The following EYS variants were observed in gnomAD, a reference collection of about 807,000 sequenced individuals.
The protein encoded by EYS is protein eyes shut homolog.
In EYS, 250 loss-of-function variants were observed where a neutral mutation model predicts 282.1. That is an observed-to-expected ratio of 0.89 (90% CI 0.80 to 0.98). The LOEUF is 0.98. Among genes scored for constraint, EYS ranks in the 50% least tolerant of loss-of-function variants. The pLI, the probability that EYS is intolerant of heterozygous loss-of-function variation, is 0.00. For missense variants in EYS, 4,016 were observed against 3,709.0 expected, an observed-to-expected ratio of 1.08 and a Z score of -2.15; for synonymous variants, 1,355 against 1,282.9, an observed-to-expected ratio of 1.06 and a Z score of -1.20.
chr6:64,305,573 A>G lies in EYS; in HGVS notation c.6191+1397T>C, dbSNP rs371202349. Among the ~76,000 whole-genome samples, 6 of 152,200 alleles carry G rather than the reference A, an allele frequency of 3.9e-5. No homozygotes were observed. In the East Asian group the frequency reaches 7.7e-4, roughly 20 times the overall value. ...ATGGAGTAGAATGAGAAGCCCAGAAATAAACCCTTATGTATATGATTTTTG... is the reference window on the plus strand; with the variant it reads ...ATGGAGTAGAATGAGAAGCCCAGAAGTAAACCCTTATGTATATGATTTTTG... On this transcript the variant is annotated intron_variant, in intron 30 of 42. Coordinates refer to ENST00000503581, the MANE Select transcript of EYS (RefSeq NM_001142800.2).
chr6:65,384,820 C>A (rs1765739649), intron 7 of EYS, among the ~76,000 whole-genome samples: 1 of 151,598 alleles, frequency 6.6e-6, no homozygotes, highest in Non-Finnish European at 1.5e-5. Flanking sequence ...AAAAACATGA[C>A]AAATGTGATT....
intron 12 of EYS, among the ~76,000 whole-genome samples, chr6:65,209,397 C>T (rs1766116906): frequency 6.6e-6 from 1 of 151,712 alleles, no homozygotes; most frequent in South Asian, 2.1e-4. Flanking sequence ...ATTTGCTCCA[C>T]AAATCAGGAT....
intron 12 of EYS, among the ~76,000 whole-genome samples, chr6:65,283,238 TGAACTTTAAAAA>T (rs1368752744): frequency 6.6e-6 from 1 of 151,944 alleles, no homozygotes; most frequent in Non-Finnish European, 1.5e-5. Flanking sequence ...TTTTTGGCAC[TGAACTTTAAAAA>T]GAACAAGTCT....
chr6:63,988,581 T>C (rs1487791162), intron 34 of EYS, among the ~76,000 whole-genome samples: 1 of 151,632 alleles, frequency 6.6e-6, no homozygotes, highest in Non-Finnish European at 1.5e-5. Flanking sequence ...CTTTCAATTA[T>C]CCAAGAGACG....
intron 12 of EYS, among the ~76,000 whole-genome samples, chr6:65,145,334 G>A (rs1022573921): frequency 6.6e-6 from 1 of 151,606 alleles, no homozygotes. Context: ...TTATATATAG[G>A]TATTTTCCCT....
chr6:64,378,618 A>T (rs1772642814), intron 29 of EYS, among the ~76,000 whole-genome samples: 1 of 152,180 alleles, frequency 6.6e-6, no homozygotes, highest in Non-Finnish European at 1.5e-5. Context: ...AATGTGCAAT[A>T]TCTTAATCAT....
At chr6:65,440,078 G>A (rs967801013) in intron 5 of EYS, among the ~76,000 whole-genome samples, 2 of 152,000 alleles carry the variant, frequency 1.3e-5, no homozygotes, top group Non-Finnish European at 2.9e-5. Flanking sequence ...AAAAAATTAA[G>A]TGATTCAAAA....
rs138954858 is a variant in EYS at position 65,402,603 on chromosome 6, A to T, written c.1059T>A (p.Asp353Glu). 319 of 1,570,668 alleles carry T rather than the reference A, an allele frequency of 2.0e-4. No homozygotes were observed. Among genetic ancestry groups the T allele is most frequent in the Non-Finnish European group, 2.3e-4 (261 of 1,142,258 alleles). The change falls in exon 7 of 43, where the codon GAT (aspartate) becomes GAA (glutamate). Residue 353 changes from aspartate to glutamate, a missense_variant and splice_region_variant. Coordinates refer to ENST00000503581, the MANE Select transcript of EYS (RefSeq NM_001142800.2). ...NGTDCIKISNDVMCICSPIFT... is the reference protein window; with the variant it reads ...NGTDCIKISNEVMCICSPIFT... Reference sequence around the variant, plus strand: ...ATATTGGTGAACAGATGCACATAACATCCTAGGAAAGATTAAAAAAATATT... The same window carrying T: ...ATATTGGTGAACAGATGCACATAACTTCCTAGGAAAGATTAAAAAAATATT...
intron 2 of EYS, among the ~76,000 whole-genome samples, chr6:65,607,511 A>C (rs2149793176): frequency 6.6e-6 from 1 of 152,000 alleles, no homozygotes; most frequent in African/African-American, 2.4e-5. Flanking sequence ...TTAAAATAGT[A>C]CTTTTTATAA....
intron 22 of EYS, among the ~76,000 whole-genome samples, chr6:64,792,165 T>A (rs1000965772): frequency 1.3e-5 from 2 of 151,902 alleles, no homozygotes; most frequent in African/African-American, 2.4e-5. Context: ...TGATGTCAGG[T>A]GGATATAACT....
At chr6:64,833,220 G>A (rs890464155) in intron 19 of EYS, among the ~76,000 whole-genome samples, 3 of 151,848 alleles carry the variant, frequency 2.0e-5, no homozygotes, top group Non-Finnish European at 4.4e-5. Flanking sequence ...ACACTGAATA[G>A]GATTGAAAAC....
At chr6:64,250,043 T>TGA (rs1767156274) in intron 30 of EYS, among the ~76,000 whole-genome samples, 1 of 152,168 alleles carries the variant, frequency 6.6e-6, no homozygotes, top group African/African-American at 2.4e-5. Context: ...AGTAACTGTG[T>TGA]GAACAATACA....
At chr6:64,932,622 TA>T (rs1768764298) in intron 15 of EYS, among the ~76,000 whole-genome samples, 1 of 151,942 alleles carries the variant, frequency 6.6e-6, no homozygotes, top group Non-Finnish European at 1.5e-5. Context: ...TAAACAGCCC[TA>T]ATCTCTGATC....
chr6:64,751,691 T>G (rs1420568983), intron 22 of EYS, among the ~76,000 whole-genome samples: 1 of 152,178 alleles, frequency 6.6e-6, no homozygotes, highest in African/African-American at 2.4e-5. Flanking sequence ...CACCACCTAT[T>G]TGTCTGGAGG....
intron 36 of EYS, among the ~76,000 whole-genome samples, chr6:63,820,635 G>A (rs1771297035): frequency 6.6e-6 from 1 of 152,064 alleles, no homozygotes; most frequent in Admixed American, 6.6e-5. Context: ...TATAAAAGAA[G>A]CTTAATTTTG....
intron 1 of EYS, among the ~76,000 whole-genome samples, chr6:65,649,241 A>G (rs904085554): frequency 2.0e-5 from 3 of 152,030 alleles, no homozygotes; most frequent in African/African-American, 4.8e-5. Flanking sequence ...TATTCTAGCA[A>G]GAGTTTTGTA....
intron 26 of EYS, among the ~76,000 whole-genome samples, chr6:64,525,860 C>T (rs777954278): frequency 3.3e-5 from 5 of 151,630 alleles, no homozygotes; most frequent in Non-Finnish European, 5.9e-5. Flanking sequence ...AGAAATTGTA[C>T]TCCTGGGCAT....
At chr6:65,050,121 T>A (rs1773225033) in intron 13 of EYS, among the ~76,000 whole-genome samples, 1 of 151,562 alleles carries the variant, frequency 6.6e-6, no homozygotes, top group Admixed American at 6.6e-5. Flanking sequence ...GAGCTTTGAA[T>A]CTAAAATAAA....
chr6:64,384,962 G>C (rs549791378), intron 29 of EYS, among the ~76,000 whole-genome samples: 1 of 152,304 alleles, frequency 6.6e-6, no homozygotes, highest in East Asian at 1.9e-4. Context: ...AAACTTAGGG[G>C]TGAGAGCATA....
Sources: allele counts gnomAD v4.1 joint callset (sites outside exome capture counted in the v4.1 genomes callset), GRCh38; gene constraint gnomAD v4.1.1; transcripts MANE v1.5; gene names NCBI Gene and HGNC (gene_info 2026-07-23, HGNC 2026-07-21).